CPXM2: variants seen among roughly 807,000 people sequenced by gnomAD.
CPXM2 encodes inactive carboxypeptidase-like protein X2.
A neutral mutation model predicts 86.1 loss-of-function variants in CPXM2; 66 were observed. The observed-to-expected ratio is 0.77, with a 90% CI of 0.63 to 0.94. The LOEUF (loss-of-function observed/expected upper bound fraction) is 0.94. Among genes scored for constraint, CPXM2 ranks in the 40% least tolerant of loss-of-function variants. The pLI, the probability that CPXM2 is intolerant of heterozygous loss-of-function variation, is 0.00. For synonymous variants in CPXM2, 388 were observed against 400.2 expected (o/e 0.97, Z 0.36); for missense variants, 948 against 1,026.3 (o/e 0.92, Z 1.04).
intron 2 of CPXM2, among the ~76,000 whole-genome samples, chr10:123,871,295 C>A (rs983959345): frequency 2.6e-5 from 4 of 152,220 alleles, no homozygotes; most frequent in Non-Finnish European, 5.9e-5. Flanking sequence ...GCAGCAATGA[C>A]AAGTTTTCAT....
intron 11 of CPXM2, among the ~76,000 whole-genome samples, chr10:123,758,953 C>T (rs972074433): frequency 2.0e-5 from 3 of 152,214 alleles, no homozygotes; most frequent in Non-Finnish European, 4.4e-5. Context: ...TATCAATCTG[C>T]TGCCTGGTCA....
intron 4 of CPXM2, among the ~76,000 whole-genome samples, chr10:123,825,200 A>G (rs2134119766): frequency 6.6e-6 from 1 of 152,298 alleles, no homozygotes. Flanking sequence ...CTCTATCCAC[A>G]CATACAGTGT....
At chr10:123,918,975 C>T (rs1344950846) in intron 2 of CPXM2, among the ~76,000 whole-genome samples, 1 of 152,122 alleles carries the variant, frequency 6.6e-6, no homozygotes, top group Non-Finnish European at 1.5e-5. Context: ...GAAAGGGGGC[C>T]ACTGGGAGCT....
intron 12 of CPXM2, among the ~76,000 whole-genome samples, chr10:123,756,502 G>A (rs1589963666): frequency 6.6e-6 from 1 of 152,152 alleles, no homozygotes; most frequent in African/African-American, 2.4e-5. Context: ...CTGCTCCCAG[G>A]TCATTCACCT....
chr10:123,878,875 C>CA (rs1945035610), intron 2 of CPXM2, among the ~76,000 whole-genome samples: 1 of 152,038 alleles, frequency 6.6e-6, no homozygotes, highest in Admixed American at 6.5e-5. Context: ...CCTGCTTGGG[C>CA]ACAAAATGCC....
chr10:123,866,458 G>C (rs915074083), intron 2 of CPXM2, among the ~76,000 whole-genome samples: 5 of 152,182 alleles, frequency 3.3e-5, no homozygotes, highest in East Asian at 3.9e-4. Flanking sequence ...CCAGCTACTC[G>C]GGACGGCGAG....
chr10:123,927,560 C>G (rs1443889859), intron 2 of CPXM2, among the ~76,000 whole-genome samples: 3 of 152,212 alleles, frequency 2.0e-5, no homozygotes. Flanking sequence ...GGTCACACAG[C>G]AAATGAATGG....
At chr10:123,818,695 C>T (rs902272969) in intron 4 of CPXM2, among the ~76,000 whole-genome samples, 3 of 152,158 alleles carry the variant, frequency 2.0e-5, no homozygotes, top group Non-Finnish European at 2.9e-5. Context: ...CTGGTCTTAC[C>T]ATGTTCCCCA....
intron 2 of CPXM2, among the ~76,000 whole-genome samples, chr10:123,872,210 C>T (rs7893269): frequency 0.71 from 108,133 of 152,082 alleles, 40,243 homozygotes; most frequent in African/African-American, 0.9. Context: ...TTCATATATA[C>T]ACCAAAAGAC....
At chr10:123,827,836 TGTATGATA>T (rs760717520) in intron 4 of CPXM2, among the ~76,000 whole-genome samples, 2 of 152,174 alleles carry the variant, frequency 1.3e-5, no homozygotes, top group Non-Finnish European at 2.9e-5. Flanking sequence ...TCATCAGGAC[TGTATGATA>T]GTAAGGGTTC....
Position 123,891,032 on chromosome 10 carries a change from G to C in CPXM2, c.304+324C>G, listed in dbSNP as rs1945258838. Among the ~76,000 whole-genome samples, 1 of 152,244 alleles carries C rather than the reference G, an allele frequency of 6.6e-6. No individual in the cohort carries two copies. Among genetic ancestry groups the C allele is most frequent in the Non-Finnish European group, 1.5e-5 (1 of 68,046 alleles). On this transcript the variant is annotated intron_variant, in intron 1 of 13. Coordinates refer to ENST00000241305, the MANE Select transcript of CPXM2 (RefSeq NM_198148.3). The surrounding 1 kb of genome is among the most constrained non-coding windows in gnomAD (Gnocchi z 5.6). ...TAGGCAGAGAAGTAAGAGGCATCCAGCAGAAAGACCCTTAGCTCAGGGGAT... is the reference window on the plus strand; with the variant it reads ...TAGGCAGAGAAGTAAGAGGCATCCACCAGAAAGACCCTTAGCTCAGGGGAT...
At chr10:123,861,297 A>T (rs1848844176) in intron 3 of CPXM2, among the ~76,000 whole-genome samples, 1 of 152,188 alleles carries the variant, frequency 6.6e-6, no homozygotes, top group Non-Finnish European at 1.5e-5. Context: ...CCCAATACAG[A>T]AGAGCTATAG....
Position 123,840,533 on chromosome 10 carries a change from G to A in CPXM2, c.653+1816C>T, listed in dbSNP as rs1241013435. On this transcript the variant is annotated intron_variant, in intron 4 of 13. Coordinates refer to ENST00000241305, the MANE Select transcript of CPXM2 (RefSeq NM_198148.3). ...GGGACAGTGGTGGAGGTGTGGCTGAGTAAATTACAGGCCATTAAAAATAAT... is the reference window on the plus strand; with the variant it reads ...GGGACAGTGGTGGAGGTGTGGCTGAATAAATTACAGGCCATTAAAAATAAT... 2.0e-5 allele frequency among the ~76,000 whole-genome samples: 3 copies of A among 152,148 alleles called. 1 individual carries two copies. In the South Asian group the frequency reaches 6.2e-4, roughly 32 times the overall value.
intron 12 of CPXM2, among the ~76,000 whole-genome samples, chr10:123,755,096 C>T (rs112160187): frequency 2.6e-5 from 4 of 152,204 alleles, no homozygotes; most frequent in African/African-American, 9.7e-5. Flanking sequence ...GCAAGGGCAG[C>T]GGTCCCCCTG....
At chr10:123,788,145 A>G (rs112014884) in intron 6 of CPXM2, among the ~76,000 whole-genome samples, 7,799 of 151,602 alleles carry the variant, frequency 0.051, 353 homozygotes, top group African/African-American at 0.12. Flanking sequence ...GCTGGGAGTG[A>G]TGGCACATAC....
chr10:123,880,828 CAAAAAAAAAAAAAA>C (rs71484548), intron 1 of CPXM2, among the ~76,000 whole-genome samples: 1 of 53,970 alleles, frequency 1.9e-5, no homozygotes, highest in Non-Finnish European at 3.2e-5. Flanking sequence ...GATTCCGTCT[CAAAAAAAAAAAAAA>C]AAAAAAAAGA....
intron 2 of CPXM2, among the ~76,000 whole-genome samples, chr10:123,911,861 T>A (rs553448941): frequency 2.0e-5 from 3 of 152,050 alleles, no homozygotes; most frequent in Admixed American, 2.0e-4. Flanking sequence ...CAGTGGTGAA[T>A]CTGCAGCAAC....
chr10:123,884,944 C>A (rs981548750), intron 1 of CPXM2, among the ~76,000 whole-genome samples: 15 of 152,212 alleles, frequency 9.9e-5, no homozygotes, highest in Non-Finnish European at 1.5e-5. Flanking sequence ...GACTTGCAAC[C>A]AAATAGAGTC....
In CPXM2 at chr10:123,770,949, C is replaced by G; in HGVS notation, c.1069G>C (p.Glu357Gln). 6.2e-7 allele frequency: 1 copy of G among 1,604,588 alleles called. No homozygotes were observed. The highest frequency in any genetic ancestry group is 1.1e-5 in the South Asian group (1 of 90,542). The change falls in exon 8 of 14, where the codon GAG becomes CAG. Residue 357 changes from glutamate to glutamine, a missense_variant. Transcript: ENST00000241305. ...TGCTCCCCAGGGTGATCTGAGATCT[C>G]CACAGCATACAGCTTCAGGCCCTGG... is the stretch of plus-strand genomic sequence containing the variant. ...SHQGLKLYAV[E>Q]ISDHPGEHEV...
Sources: gnomAD v4.1 joint callset for allele counts (sites outside exome capture counted in the v4.1 genomes callset) on GRCh38, gnomAD v4.1.1 for gene constraint, Gnocchi (gnomAD v3.1) non-coding constraint, MANE v1.5 for transcripts, NCBI Gene and HGNC (gene_info 2026-07-23, HGNC 2026-07-21) for gene names.